Variants in ADGRF5 observed in about 807,000 individuals in gnomAD.
ADGRF5 encodes the protein adhesion G protein-coupled receptor F5.
In ADGRF5, 75 loss-of-function variants were observed where a neutral mutation model predicts 132.3. The ratio of observed to expected loss-of-function variants is 0.57; its 90% confidence interval spans 0.47 to 0.69. The LOEUF (loss-of-function observed/expected upper bound fraction) is 0.69. ADGRF5 is among the 30% of genes least tolerant of loss of function. ADGRF5 has a pLI of 0.00. For synonymous variants in ADGRF5, 629 were observed against 597.6 expected (o/e 1.05, Z -0.77); for missense variants, 1,516 against 1,630.6 (o/e 0.93, Z 1.21).
intron 3 of ADGRF5, among the ~76,000 whole-genome samples, chr6:46,896,612 C>T (rs548258923): frequency 6.6e-6 from 1 of 151,834 alleles, no homozygotes; most frequent in East Asian, 1.9e-4. Context: ...TTAACATAAC[C>T]TTATTTAATC....
At chr6:46,937,760 C>A (rs1388376430) in intron 1 of ADGRF5, among the ~76,000 whole-genome samples, 1 of 152,104 alleles carries the variant, frequency 6.6e-6, no homozygotes, top group African/African-American at 2.4e-5. Flanking sequence ...GTCACTTGAA[C>A]ACAGGTGCTG....
intron 17 of ADGRF5, among the ~76,000 whole-genome samples, chr6:46,857,722 C>A (rs1769218344): frequency 6.6e-6 from 1 of 152,158 alleles, no homozygotes; most frequent in Non-Finnish European, 1.5e-5. Flanking sequence ...TTATTGAGAA[C>A]CTACTCTGTA....
At position 46,904,256 on chromosome 6, in the gene ADGRF5, C is replaced by CATAGTT. The variant is rs1775083521; in HGVS notation, c.102+2404_102+2405insAACTAT. On this transcript the variant is annotated intron_variant, in intron 2 of 20. Transcript: ENST00000283296. ...TACCCCACATGTGTATATTCACGTT[C>CATAGTT]ATAGGCACATTATTCACAATGGCCA... Among the ~76,000 whole-genome samples the CATAGTT allele has an allele frequency of 2.0e-5, 3 of 152,320 alleles. No homozygotes were observed. In the East Asian group the frequency reaches 5.8e-4, roughly 29 times the overall value.
intron 1 of ADGRF5, among the ~76,000 whole-genome samples, chr6:46,912,232 C>A (rs1008969526): frequency 3.3e-5 from 5 of 152,092 alleles, no homozygotes; most frequent in African/African-American, 1.2e-4. Flanking sequence ...AAAGGCTATA[C>A]CAGAAGGACC....
intron 2 of ADGRF5, chr6:46,903,467 G>A (rs1281762679): frequency 1.3e-5 from 2 of 152,218 alleles, no homozygotes; most frequent in South Asian, 2.1e-4. Flanking sequence ...TAATTGTAGT[G>A]GTGGTGGGGC....
chr6:46,858,322 A>G lies in ADGRF5; in HGVS notation c.3581T>C (p.Ile1194Thr), dbSNP rs1444511214. Residue 1194 changes from isoleucine (I) to threonine (T), a missense_variant, in exon 17 of 21, where the codon ATC (isoleucine) becomes ACC (threonine). By Grantham distance (89) the Ile-to-Thr change is moderately conservative. Transcript: ENST00000283296. ...AATGGAAGGCCTCAGGATCTTGGTG[A>G]TGACCACAATAGTGATGGTTATGTT... ...VVNITITIVV[I>T]TKILRPSIGD... 3 of 1,613,926 alleles carry G rather than the reference A, an allele frequency of 1.9e-6. No homozygotes were observed. Among genetic ancestry groups the G allele is most frequent in the Admixed American group, 1.7e-5 (1 of 60,020 alleles).
At chr6:46,934,262 C>G (rs949251311) in intron 1 of ADGRF5, among the ~76,000 whole-genome samples, 1 of 152,146 alleles carries the variant, frequency 6.6e-6, no homozygotes, top group Non-Finnish European at 1.5e-5. Context: ...CACTTCTATA[C>G]ATAAAATTAG....
intron 1 of ADGRF5, among the ~76,000 whole-genome samples, chr6:46,930,089 G>A (rs1368552248): frequency 2.0e-5 from 3 of 151,822 alleles, no homozygotes; most frequent in Non-Finnish European, 4.4e-5. Context: ...CCAAAGTGCT[G>A]GGATTACAGG....
In ADGRF5 at chr6:46,853,967, T is replaced by C; in HGVS notation, c.*25A>G. The C allele has an allele frequency of 6.6e-7, 1 of 1,507,092 alleles. No homozygotes were observed. The highest frequency in any genetic ancestry group is 9.1e-7 in the Non-Finnish European group (1 of 1,095,132). 93.4% of individuals were successfully genotyped at this position (1,507,092 alleles called of 1,614,324 possible). On this transcript the variant is annotated 3_prime_UTR_variant, in exon 21 of 21. Coordinates refer to ENST00000283296, the MANE Select transcript of ADGRF5 (RefSeq NM_001098518.2). ...AAGCACAGCCACTGTCCCCGGGAGG[T>C]CACGTAGGTTGGATTATCCTGTTCT... is the stretch of plus-strand genomic sequence containing the variant.
At chr6:46,920,526 T>TGGGG (rs1554212961) in intron 1 of ADGRF5, among the ~76,000 whole-genome samples, 5 of 102,168 alleles carry the variant, frequency 4.9e-5, no homozygotes, top group East Asian at 3.2e-4. Flanking sequence ...GAATAATATT[T>TGGGG]GGGGGGGGGG....
At chr6:46,882,484 G>T (rs1328775622) in intron 6 of ADGRF5, among the ~76,000 whole-genome samples, 2 of 152,220 alleles carry the variant, frequency 1.3e-5, no homozygotes, top group African/African-American at 4.8e-5. Flanking sequence ...AGGAGTCCCA[G>T]TGTCTGCCAG....
intron 1 of ADGRF5, among the ~76,000 whole-genome samples, chr6:46,930,886 C>T (rs1014137554): frequency 1.3e-5 from 2 of 152,192 alleles, no homozygotes; most frequent in Middle Eastern, 3.4e-3. Flanking sequence ...GACCCCATCT[C>T]TACAAAACAA....
intron 3 of ADGRF5, among the ~76,000 whole-genome samples, chr6:46,893,191 T>G (rs3065): frequency 0.9 from 136,868 of 151,412 alleles, 62,048 homozygotes; most frequent in African/African-American, 0.97. Context: ...ACTCTAGGAA[T>G]AGTAAACAGG....
intron 1 of ADGRF5, among the ~76,000 whole-genome samples, chr6:46,953,967 A>G (rs1778625801): frequency 6.6e-6 from 1 of 152,074 alleles, no homozygotes; most frequent in Non-Finnish European, 1.5e-5. Context: ...TGACAAAAAA[A>G]TCCAGAGAAA....
Position 46,877,236 on chromosome 6 carries a change from T to C in ADGRF5, c.1240+966A>G, listed in dbSNP as rs1020356023. Reference sequence around the variant, plus strand: ...CTAATTTATTTCCTCTCTTTCTTTCTTTCTTTCTTTCTTTCTTTCTTTCTT... The same window carrying C: ...CTAATTTATTTCCTCTCTTTCTTTCCTTCTTTCTTTCTTTCTTTCTTTCTT... On this transcript the variant is annotated intron_variant, in intron 10 of 20. Coordinates refer to ENST00000283296, the MANE Select transcript of ADGRF5 (RefSeq NM_001098518.2). Among the ~76,000 whole-genome samples, 4 of 26,790 alleles carry C rather than the reference T, an allele frequency of 1.5e-4. No individual in the cohort carries two copies. In the East Asian group the frequency reaches 3.4e-3, roughly 23 times the overall value. The allele number at this position is 26,790 out of a possible 152,430, so 17.6% of individuals were successfully genotyped here. A position where few individuals can be genotyped will look rare whatever the true frequency, so the allele number is the denominator to read the frequency against.
At chr6:46,867,722 C>G (rs1054597461) in intron 12 of ADGRF5, among the ~76,000 whole-genome samples, 1 of 152,146 alleles carries the variant, frequency 6.6e-6, no homozygotes, top group Admixed American at 6.5e-5. Context: ...TGCCCCAGCT[C>G]TGGAAAAGTC....
chr6:46,868,145 G>A (rs966453820), intron 12 of ADGRF5, among the ~76,000 whole-genome samples: 1 of 152,166 alleles, frequency 6.6e-6, no homozygotes, highest in African/African-American at 2.4e-5. Context: ...TTAATGAAAG[G>A]CTTTAGAGTG....
intron 1 of ADGRF5, among the ~76,000 whole-genome samples, chr6:46,932,250 A>G (rs1777587216): frequency 6.6e-6 from 1 of 152,232 alleles, no homozygotes; most frequent in Non-Finnish European, 1.5e-5. Context: ...TTAGTTTTAA[A>G]AAATATTAGT....
chr6:46,920,916 A>C (rs1243654575), intron 1 of ADGRF5, among the ~76,000 whole-genome samples: 1 of 152,216 alleles, frequency 6.6e-6, no homozygotes. Flanking sequence ...TTACGATAAG[A>C]ATATAGTCAA....
Sources: allele counts gnomAD v4.1 joint callset (sites outside exome capture counted in the v4.1 genomes callset), GRCh38; gene constraint gnomAD v4.1.1; transcripts MANE v1.5; gene names NCBI Gene and HGNC (gene_info 2026-07-23, HGNC 2026-07-21).